SGCG: variants seen among roughly 807,000 people sequenced by gnomAD.
The protein encoded by SGCG is gamma-sarcoglycan.
SGCG carries 26 observed loss-of-function variants against 29.3 expected under a neutral mutation model. That is an observed-to-expected ratio of 0.89 (90% CI 0.65 to 1.23). The LOEUF (loss-of-function observed/expected upper bound fraction) is 1.23. SGCG is among the 50% of genes most tolerant of loss of function. The pLI is 0.00. For synonymous variants in SGCG, 145 were observed against 129.7 expected (o/e 1.12, Z -0.80); for missense variants, 353 against 356.0 (o/e 0.99, Z 0.07).
At chr13:23,285,865 G>C (rs1053593860) in intron 5 of SGCG, among the ~76,000 whole-genome samples, 5 of 152,196 alleles carry the variant, frequency 3.3e-5, no homozygotes, top group African/African-American at 1.2e-4. Flanking sequence ...AGGCGAGGGA[G>C]TTCTCCAACC....
chr13:23,317,827 TGA>T (rs1882879350), intron 6 of SGCG, among the ~76,000 whole-genome samples: 1 of 152,174 alleles, frequency 6.6e-6, no homozygotes, highest in Non-Finnish European at 1.5e-5. Flanking sequence ...TGGTTAATAC[TGA>T]GTGTCAACTC....
At chr13:23,284,671 TGGA>T (rs1881430908) in intron 5 of SGCG, among the ~76,000 whole-genome samples, 1 of 152,226 alleles carries the variant, frequency 6.6e-6, no homozygotes, top group Non-Finnish European at 1.5e-5. Context: ...TGTGATCCTT[TGGA>T]GGAGAAGAGG....
the SGCG span, among the ~76,000 whole-genome samples, chr13:23,174,241 C>G: frequency 2.2e-3 from 339 of 152,240 alleles, 1 homozygote; most frequent in African/African-American, 7.7e-3. Flanking sequence ...GTGGGAGCCT[C>G]AACCTGCAGA....
intron 3 of SGCG, among the ~76,000 whole-genome samples, chr13:23,241,529 T>C (rs1416849501): frequency 6.6e-6 from 1 of 152,264 alleles, no homozygotes; most frequent in East Asian, 1.9e-4. Context: ...ACCGCTGAAT[T>C]CTACCAAACA....
the SGCG span, among the ~76,000 whole-genome samples, chr13:23,173,190 G>T: frequency 6.6e-6 from 1 of 152,102 alleles, no homozygotes; most frequent in East Asian, 1.9e-4. Context: ...ACCAGGTAGC[G>T]CTGGGAAATC....
chr13:23,300,500 A>G (rs2137654818), intron 6 of SGCG, among the ~76,000 whole-genome samples: 1 of 152,286 alleles, frequency 6.6e-6, no homozygotes, highest in Admixed American at 6.5e-5. Flanking sequence ...TGAATCAGGT[A>G]TTTCACACAA....
the SGCG span, among the ~76,000 whole-genome samples, chr13:23,172,144 C>T: frequency 2.6e-5 from 4 of 152,238 alleles, no homozygotes; most frequent in Non-Finnish European, 4.4e-5. Flanking sequence ...GTTGCAATTG[C>T]GATATTGCGT....
intron 6 of SGCG, among the ~76,000 whole-genome samples, chr13:23,310,243 C>T (rs937911673): frequency 4.0e-5 from 6 of 151,860 alleles, no homozygotes; most frequent in South Asian, 2.1e-4. Context: ...CCCGCCACCA[C>T]ACCCGGGTAA....
At chr13:23,246,560 A>T (rs1593194774) in intron 3 of SGCG, 1 of 160,400 alleles carries the variant, frequency 6.2e-6, no homozygotes, top group East Asian at 1.7e-4. Flanking sequence ...AAAGATGATC[A>T]GCCTTTGGCT....
intron 2 of SGCG, among the ~76,000 whole-genome samples, chr13:23,211,757 A>G (rs1046784495): frequency 3.3e-5 from 5 of 152,128 alleles, no homozygotes; most frequent in African/African-American, 1.2e-4. Context: ...TTGGCTTTCA[A>G]TCCTGCAGAC....
chr13:23,207,404 T>A (rs868075629), intron 2 of SGCG, among the ~76,000 whole-genome samples: 1 of 152,118 alleles, frequency 6.6e-6, no homozygotes, highest in African/African-American at 2.4e-5. Context: ...ATGACATGGA[T>A]CTTGGCAATG....
intron 6 of SGCG, among the ~76,000 whole-genome samples, chr13:23,313,456 A>T (rs1382647672): frequency 6.6e-6 from 1 of 152,164 alleles, no homozygotes; most frequent in Non-Finnish European, 1.5e-5. Flanking sequence ...TGAGCCACTG[A>T]GCCTGGCCTT....
intron 3 of SGCG, among the ~76,000 whole-genome samples, chr13:23,248,728 G>A (rs78142978): frequency 1.4e-5 from 2 of 145,384 alleles, no homozygotes; most frequent in African/African-American, 5.1e-5. Context: ...TTCGGTGGCT[G>A]ATGCCTGTAA....
chr13:23,209,929 G>A (rs914798191), intron 2 of SGCG, among the ~76,000 whole-genome samples: 4 of 152,170 alleles, frequency 2.6e-5, no homozygotes, highest in African/African-American at 9.6e-5. Context: ...ACTACACTAT[G>A]TGAAGTGTTT....
At chr13:23,228,570 C>A (rs1437446141) in intron 2 of SGCG, among the ~76,000 whole-genome samples, 3 of 152,028 alleles carry the variant, frequency 2.0e-5, no homozygotes, top group African/African-American at 7.2e-5. Flanking sequence ...AGCACAGTAC[C>A]TGATAGTTTT....
At position 23,295,484 on chromosome 13, in the gene SGCG, T is replaced by G. The variant is rs1555245351; in HGVS notation, c.575T>G (p.Leu192Arg). 6.2e-7 allele frequency: 1 copy of G among 1,611,608 alleles called. No homozygotes were observed. The highest frequency in any genetic ancestry group is 8.5e-7 in the Non-Finnish European group (1 of 1,177,668). The change falls in exon 6 of 8, where the codon CTT (leucine) becomes CGT (arginine). Residue 192 changes from leucine (L) to arginine (R), a missense_variant. Transcript: ENST00000218867. Reference protein sequence around the residue: ...PLVRADPFQDLRLESPTRSLS... With the variant: ...PLVRADPFQDRRLESPTRSLS... The stretch of plus-strand genomic sequence containing the variant: ...GTCAGAGCCGACCCGTTTCAAGACC[T>G]TAGGTAAGAATTTTTGTTCAAATAT...
At chr13:23,324,270 G>A (rs1046305214) in intron 7 of SGCG, 98 bp from the exon 8 acceptor site, 1 of 1,154,054 alleles carries the variant, frequency 8.7e-7, no homozygotes, top group African/African-American at 1.5e-5. Context: ...TTTTCTATGA[G>A]GAGAAGAAAC....
At chr13:23,188,500 T>G (rs200530780) in intron 1 of SGCG, among the ~76,000 whole-genome samples, 1,483 of 80,384 alleles carry the variant, frequency 0.018, 25 homozygotes, top group Admixed American at 0.041. Flanking sequence ...TTTTTTTTTT[T>G]TTGGGACAGG....
At chr13:23,271,241 C>A (rs2137604056) in intron 4 of SGCG, among the ~76,000 whole-genome samples, 1 of 152,168 alleles carries the variant, frequency 6.6e-6, no homozygotes, top group Non-Finnish European at 1.5e-5. Flanking sequence ...CATCTTTAAA[C>A]TTGAAATGCC....
Sources: gnomAD v4.1 joint callset for allele counts (sites outside exome capture counted in the v4.1 genomes callset) on GRCh38, gnomAD v4.1.1 for gene constraint, MANE v1.5 for transcripts, NCBI Gene and HGNC (gene_info 2026-07-23, HGNC 2026-07-21) for gene names.